IMMP2L: variants seen among roughly 807,000 people sequenced by gnomAD.
IMMP2L encodes inner mitochondrial membrane peptidase subunit 2.
Under a neutral mutation model 19.3 loss-of-function variants are expected in IMMP2L, and 18 were observed. The observed-to-expected ratio is 0.93, with a 90% CI of 0.64 to 1.38. The LOEUF (loss-of-function observed/expected upper bound fraction) is 1.38. Ranked by LOEUF, IMMP2L falls within the 40% of genes most tolerant of loss-of-function variation. The pLI is 0.00. For synonymous variants in IMMP2L, 76 were observed against 73.0 expected (o/e 1.04, Z -0.21); for missense variants, 233 against 218.2 (o/e 1.07, Z -0.43).
chr7:111,087,673 T>C (rs1222467285), intron 3 of IMMP2L, among the ~76,000 whole-genome samples: 2 of 152,110 alleles, frequency 1.3e-5, no homozygotes, highest in Admixed American at 6.6e-5. Context: ...TCTAGGAGAA[T>C]CTTATATGCT....
intron 1 of IMMP2L, among the ~76,000 whole-genome samples, chr7:111,543,742 TA>T (rs762846414): frequency 3.3e-5 from 5 of 152,202 alleles, no homozygotes; most frequent in African/African-American, 4.8e-5. Context: ...ACACTTCAGA[TA>T]AACTACTACT....
At chr7:110,885,519 A>G (rs1359646636) in intron 5 of IMMP2L, among the ~76,000 whole-genome samples, 1 of 151,938 alleles carries the variant, frequency 6.6e-6, no homozygotes, top group African/African-American at 2.4e-5. Flanking sequence ...ATAAATACAG[A>G]CTTTCTGTAT....
chr7:111,085,496 T>C (rs1200845620), intron 3 of IMMP2L, among the ~76,000 whole-genome samples: 1 of 152,212 alleles, frequency 6.6e-6, no homozygotes, highest in Non-Finnish European at 1.5e-5. Context: ...GTAAGGTGTT[T>C]TTTGACTTTT....
intron 1 of IMMP2L, among the ~76,000 whole-genome samples, chr7:111,529,290 T>C (rs182227173): frequency 8.5e-5 from 13 of 152,290 alleles, no homozygotes; most frequent in Non-Finnish European, 1.9e-4. Flanking sequence ...GACATTTGGA[T>C]ACATGTGGTC....
At chr7:111,529,521 C>T (rs1847197954) in intron 1 of IMMP2L, among the ~76,000 whole-genome samples, 1 of 152,006 alleles carries the variant, frequency 6.6e-6, no homozygotes, top group African/African-American at 2.4e-5. Flanking sequence ...TCTTGTCTGA[C>T]CTAGTAGTTC....
chr7:111,148,257 A>G (rs1803694909), intron 3 of IMMP2L, among the ~76,000 whole-genome samples: 1 of 152,114 alleles, frequency 6.6e-6, no homozygotes, highest in South Asian at 2.1e-4. Flanking sequence ...TCCACTCACA[A>G]TAAGTTAAAT....
intron 3 of IMMP2L, among the ~76,000 whole-genome samples, chr7:111,303,388 G>T (rs192876147): frequency 6.6e-6 from 1 of 152,144 alleles, no homozygotes; most frequent in African/African-American, 2.4e-5. Context: ...TAAAAGTTCA[G>T]TCTCATAAAG....
intron 3 of IMMP2L, among the ~76,000 whole-genome samples, chr7:111,128,807 G>A (rs1268738586): frequency 6.6e-6 from 1 of 152,146 alleles, no homozygotes; most frequent in Non-Finnish European, 1.5e-5. Flanking sequence ...GCTGGCAACA[G>A]AGTGAGACTC....
rs368679362 is a variant in IMMP2L at position 111,209,396 on chromosome 7, C to CAAA, written c.240-245834_240-245832dup. 2.3e-3 allele frequency among the ~76,000 whole-genome samples: 207 copies of CAAA among 88,504 alleles called. 3 individuals carry two copies. Among genetic ancestry groups the CAAA allele is most frequent in the African/African-American group, 9.1e-3 (185 of 20,440 alleles). The allele number at this position is 88,504 out of a possible 152,430, so 58.1% of individuals were successfully genotyped here. On this transcript the variant is annotated intron_variant, in intron 3 of 5. Transcript: ENST00000405709. ...TCGGCGACAGAGCGAGACTCCTTCT[C>CAAA]AAAAAAAAAAAAAAAAAAAAGTAAA...
intron 5 of IMMP2L, among the ~76,000 whole-genome samples, chr7:110,759,566 T>C (rs1415256375): frequency 6.6e-6 from 1 of 152,100 alleles, no homozygotes; most frequent in Non-Finnish European, 1.5e-5. Flanking sequence ...GAGGCCCTAT[T>C]TTCAAAAATG....
rs979904832 is a variant in IMMP2L at position 111,099,758 on chromosome 7, G to A, written c.240-136193C>T. The A allele has an allele frequency of 2.6e-5, 4 of 151,614 alleles. No individual in the cohort carries two copies. In the South Asian group the frequency reaches 8.3e-4, roughly 31 times the overall value. 9.4% of individuals were successfully genotyped at this position (151,614 alleles called of 1,614,324 possible). ...AAAAAAAGAAATTCAATTTTGAGGT[G>A]ATAAAAGGTTAAAGTATTGTGAATC... On this transcript the variant is annotated intron_variant, in intron 3 of 5. Transcript: ENST00000405709.
chr7:111,147,861 A>T (rs1803648898), intron 3 of IMMP2L, among the ~76,000 whole-genome samples: 1 of 152,136 alleles, frequency 6.6e-6, no homozygotes, highest in Non-Finnish European at 1.5e-5. Context: ...TTCCAAGAAG[A>T]ATTTATTCAA....
intron 3 of IMMP2L, among the ~76,000 whole-genome samples, chr7:111,386,303 T>C (rs547439928): frequency 6.6e-6 from 1 of 152,304 alleles, no homozygotes; most frequent in South Asian, 2.1e-4. Flanking sequence ...ATATCATTGC[T>C]CTTTTTAGAC....
chr7:111,112,770 C>G (rs1238846380), intron 3 of IMMP2L, among the ~76,000 whole-genome samples: 1 of 152,132 alleles, frequency 6.6e-6, no homozygotes, highest in East Asian at 1.9e-4. Flanking sequence ...ATACAGCCCA[C>G]ATCGCTATTA....
intron 3 of IMMP2L, among the ~76,000 whole-genome samples, chr7:111,463,056 T>A (rs1840282296): frequency 6.6e-6 from 1 of 152,092 alleles, no homozygotes; most frequent in African/African-American, 2.4e-5. Flanking sequence ...GAAGGCTATG[T>A]CCCTCTGAAG....
At chr7:110,918,454 T>TTC (rs1813872296) in intron 4 of IMMP2L, among the ~76,000 whole-genome samples, 1 of 145,624 alleles carries the variant, frequency 6.9e-6, no homozygotes, top group African/African-American at 2.5e-5. Flanking sequence ...CTTTTTTTCT[T>TTC]TTTTTTTTTT....
chr7:111,420,576 T>A (rs1231368763), intron 3 of IMMP2L, among the ~76,000 whole-genome samples: 2 of 77,010 alleles, frequency 2.6e-5, no homozygotes, highest in Non-Finnish European at 5.0e-5. Context: ...CCCCCGATAG[T>A]CCCCCGTGTG....
At chr7:111,235,760 T>G (rs1814236148) in intron 3 of IMMP2L, among the ~76,000 whole-genome samples, 1 of 152,106 alleles carries the variant, frequency 6.6e-6, no homozygotes, top group African/African-American at 2.4e-5. Flanking sequence ...TTTTTTCAAA[T>G]ATTTCAGTCT....
intron 5 of IMMP2L, among the ~76,000 whole-genome samples, chr7:110,792,891 A>C (rs1584847649): frequency 6.6e-6 from 1 of 152,048 alleles, no homozygotes; most frequent in Non-Finnish European, 1.5e-5. Flanking sequence ...ATGAAATCTT[A>C]TTCAGCCTTA....
Sources: gnomAD v4.1 joint callset for allele counts (sites outside exome capture counted in the v4.1 genomes callset) on GRCh38, gnomAD v4.1.1 for gene constraint, MANE v1.5 for transcripts, NCBI Gene and HGNC (gene_info 2026-07-23, HGNC 2026-07-21) for gene names.